PTPRJ: variants seen among roughly 807,000 people sequenced by gnomAD.
The protein encoded by PTPRJ is protein tyrosine phosphatase receptor type J.
In PTPRJ, 129 loss-of-function variants were observed where a neutral mutation model predicts 141.3. The observed-to-expected ratio is 0.91, with a 90% CI of 0.79 to 1.06. PTPRJ has a LOEUF of 1.06. Ranked by LOEUF, PTPRJ falls within the 50% of genes least tolerant of loss-of-function variation. The probability of loss-of-function intolerance (pLI) is 0.00; values close to 1 mark genes in which losing one functional copy is unlikely to be tolerated. For synonymous variants in PTPRJ, 610 were observed against 640.5 expected (o/e 0.95, Z 0.72); for missense variants, 1,601 against 1,679.7 (o/e 0.95, Z 0.82).
At chr11:48,058,663 G>A (rs1854827637) in intron 1 of PTPRJ, among the ~76,000 whole-genome samples, 2 of 152,094 alleles carry the variant, frequency 1.3e-5, no homozygotes, top group South Asian at 4.1e-4. Context: ...TCTCTCACCT[G>A]GATTAGTGCG....
intron 4 of PTPRJ, 83 bp from the exon 5 acceptor site, chr11:48,123,530 C>A: frequency 1.4e-6 from 2 of 1,441,414 alleles, no homozygotes; most frequent in South Asian, 2.7e-5. Context: ...AAAACCCGCT[C>A]CCAGCACTGA....
chr11:48,156,156 CATTA>C (rs1857594167), intron 21 of PTPRJ, 37 bp downstream of exon 21: 2 of 1,497,642 alleles, frequency 1.3e-6, no homozygotes, highest in Admixed American at 3.7e-5. Context: ...TTTAAAATTA[CATTA>C]ATTGCTTTTT....
chr11:48,048,599 G>T (rs1854469261), intron 1 of PTPRJ, among the ~76,000 whole-genome samples: 1 of 152,094 alleles, frequency 6.6e-6, no homozygotes, highest in Admixed American at 6.6e-5. Flanking sequence ...TTCGACACCA[G>T]CCTGGCCAAC....
At position 48,106,283 on chromosome 11, in the gene PTPRJ, C is replaced by T. The variant is rs116501101; in HGVS notation, c.97-3775C>T. On this transcript the variant is annotated intron_variant, in intron 1 of 24. Coordinates refer to ENST00000418331, the MANE Select transcript of PTPRJ (RefSeq NM_002843.4). Reference sequence around the variant, plus strand: ...AGAAGCAAAACCAAAAATACACGGCCGTAGATACAACCCTGTTCTGGTACT... The same window carrying T: ...AGAAGCAAAACCAAAAATACACGGCTGTAGATACAACCCTGTTCTGGTACT... Among the ~76,000 whole-genome samples, 10 of 152,188 alleles carry T rather than the reference C, an allele frequency of 6.6e-5. No individual in the cohort carries two copies. The East Asian group carries it at 1.3e-3, about 21-fold the overall frequency.
chr11:47,990,586 A>C (rs1215906339), intron 1 of PTPRJ, among the ~76,000 whole-genome samples: 4 of 149,920 alleles, frequency 2.7e-5, no homozygotes, highest in African/African-American at 9.9e-5. Flanking sequence ...TAATTTTTGT[A>C]GTTTTAGTAG....
intron 1 of PTPRJ, among the ~76,000 whole-genome samples, chr11:48,056,153 C>A (rs1854747228): frequency 6.6e-6 from 1 of 152,190 alleles, no homozygotes; most frequent in Admixed American, 6.5e-5. Flanking sequence ...GAAGGTGCCT[C>A]AAAAGCAGCT....
At chr11:48,087,833 C>T (rs1341906172) in intron 1 of PTPRJ, among the ~76,000 whole-genome samples, 4 of 152,156 alleles carry the variant, frequency 2.6e-5, no homozygotes, top group Non-Finnish European at 5.9e-5. Flanking sequence ...GACAAATTTC[C>T]CCTTCCTTCT....
intron 5 of PTPRJ, 147 bp downstream of exon 5, chr11:48,124,017 C>T: frequency 3.3e-6 from 3 of 913,948 alleles, no homozygotes; most frequent in Non-Finnish European, 4.8e-6. Flanking sequence ...TGATCCCCCA[C>T]CTGCATGAGG....
Position 48,149,999 on chromosome 11 carries a change from G to A in PTPRJ, c.3050+1G>A. ...CCTTTCTATCATGAAGACCTAAAAAGTGAGTAATCTCTTTATTTTTTTTAA... is the reference window on the plus strand; with the variant it reads ...CCTTTCTATCATGAAGACCTAAAAAATGAGTAATCTCTTTATTTTTTTTAA... On this transcript the variant is annotated splice_donor_variant, in intron 17 of 24. Coordinates refer to ENST00000418331, the MANE Select transcript of PTPRJ (RefSeq NM_002843.4). LOFTEE classifies it high-confidence loss of function. The A allele has an allele frequency of 6.7e-7, 1 of 1,485,514 alleles. No homozygotes were observed. The highest frequency in any genetic ancestry group is 9.3e-7 in the Non-Finnish European group (1 of 1,069,900). 92.0% of individuals were successfully genotyped at this position (1,485,514 alleles called of 1,614,324 possible).
intron 4 of PTPRJ, among the ~76,000 whole-genome samples, chr11:48,121,889 G>T (rs1414494689): frequency 6.6e-6 from 1 of 151,964 alleles, no homozygotes; most frequent in Non-Finnish European, 1.5e-5. Flanking sequence ...GAAGAAAGAG[G>T]TCCTCTGTTA....
chr11:47,991,204 A>C (rs1854184917), intron 1 of PTPRJ, among the ~76,000 whole-genome samples: 1 of 152,192 alleles, frequency 6.6e-6, no homozygotes, highest in South Asian at 2.1e-4. Context: ...TTAAGTGACC[A>C]CCAGGTGTGA....
chr11:48,161,972 C>G (rs376253019), intron 22 of PTPRJ, among the ~76,000 whole-genome samples: 2 of 152,278 alleles, frequency 1.3e-5, no homozygotes, highest in African/African-American at 4.8e-5. Context: ...CCTTGGTTGC[C>G]TCCACTGCTT....
chr11:48,058,652 G>T (rs185225164), intron 1 of PTPRJ, among the ~76,000 whole-genome samples: 142 of 152,214 alleles, frequency 9.3e-4, no homozygotes, highest in African/African-American at 2.9e-3. Flanking sequence ...AGCCACCATC[G>T]TCTCTCACCT....
chr11:48,015,947 C>T (rs1174642768), intron 1 of PTPRJ: 3 of 152,180 alleles, frequency 2.0e-5, no homozygotes, highest in Admixed American at 2.0e-4. Context: ...GGGCTCCAAG[C>T]CAGCTCTCCT....
At chr11:48,066,589 A>ATTATTATTATTG (rs1855090560) in intron 1 of PTPRJ, among the ~76,000 whole-genome samples, 1 of 136,868 alleles carries the variant, frequency 7.3e-6, no homozygotes, top group African/African-American at 2.8e-5. Flanking sequence ...TATTATTATT[A>ATTATTATTATTG]TTATTATTAT....
At chr11:48,105,677 C>G (rs1228607008) in intron 1 of PTPRJ, among the ~76,000 whole-genome samples, 1 of 152,180 alleles carries the variant, frequency 6.6e-6, no homozygotes. Context: ...CCACCCTAGT[C>G]CACACCTGTC....
chr11:48,127,976 C>G lies in PTPRJ; in HGVS notation c.1290C>G (p.Tyr430Ter). The change falls in exon 7 of 25, where the codon TAC becomes TAG. Residue 430 changes from tyrosine (Y) to a stop codon, truncating the protein, a stop_gained. Transcript: ENST00000418331. LOFTEE classifies it high-confidence loss of function. Reference sequence around the variant, plus strand: ...CCGGACTCCGCTCCAGCACCTTCTACAACATCACAGTGTGTCCTGTCCTAG... The same window carrying G: ...CCGGACTCCGCTCCAGCACCTTCTAGAACATCACAGTGTGTCCTGTCCTAG... ...VIPGLRSSTFYNITVCPVLGD... is the reference protein window; with the variant it reads ...VIPGLRSSTF 1 of 1,614,190 alleles carries G rather than the reference C, an allele frequency of 6.2e-7. No homozygotes were observed. Among genetic ancestry groups the G allele is most frequent in the South Asian group, 1.1e-5 (1 of 91,088 alleles).
At chr11:48,065,078 G>T (rs1855050361) in intron 1 of PTPRJ, among the ~76,000 whole-genome samples, 2 of 143,498 alleles carry the variant, frequency 1.4e-5, no homozygotes, top group African/African-American at 5.3e-5. Context: ...GCAATGGTGC[G>T]ATCTCATCTT....
At chr11:48,112,623 G>C in intron 2 of PTPRJ, 124 bp from the exon 3 acceptor site, 3 of 733,396 alleles carry the variant, frequency 4.1e-6, no homozygotes, top group South Asian at 1.8e-5. Context: ...ACAAAGAAGA[G>C]AAAGAGAGGG....
Sources: allele counts gnomAD v4.1 joint callset (sites outside exome capture counted in the v4.1 genomes callset), GRCh38; gene constraint gnomAD v4.1.1; transcripts MANE v1.5; gene names NCBI Gene and HGNC (gene_info 2026-07-23, HGNC 2026-07-21).